Variants in MYO1H observed in about 807,000 individuals in gnomAD.
MYO1H encodes the protein unconventional myosin-Ih.
Under a neutral mutation model 149.3 loss-of-function variants are expected in MYO1H, and 118 were observed. The observed-to-expected ratio is 0.79, with a 90% CI of 0.68 to 0.92. The LOEUF is 0.92. Ranked by LOEUF, MYO1H falls within the 40% of genes least tolerant of loss-of-function variation. The pLI is 0.00. For synonymous variants in MYO1H, 447 were observed against 465.2 expected (o/e 0.96, Z 0.50); for missense variants, 1,212 against 1,280.7 (o/e 0.95, Z 0.82).
intron 1 of MYO1H, among the ~76,000 whole-genome samples, chr12:109,386,878 G>A (rs910086055): frequency 6.6e-6 from 1 of 151,738 alleles, no homozygotes; most frequent in African/African-American, 2.4e-5. Context: ...TTTCTTCCTG[G>A]CTCTCATCTA....
At chr12:109,319,598 T>G in the MYO1H span, among the ~76,000 whole-genome samples, 1 of 152,186 alleles carries the variant, frequency 6.6e-6, no homozygotes, top group Non-Finnish European at 1.5e-5. Flanking sequence ...TTTACCACAG[T>G]TAAATCAAGG....
chr12:109,440,037 CTT>C (rs36004400), intron 24 of MYO1H, among the ~76,000 whole-genome samples: 14 of 143,092 alleles, frequency 9.8e-5, no homozygotes, highest in East Asian at 6.1e-4. Flanking sequence ...AAACAGAGCA[CTT>C]TTTTTTTTTT....
chr12:109,419,680 T>G (rs919796507), intron 15 of MYO1H, among the ~76,000 whole-genome samples: 2 of 152,100 alleles, frequency 1.3e-5, no homozygotes, highest in Admixed American at 6.6e-5. Flanking sequence ...CCCAAGTAGC[T>G]GGGACTACAG....
Position 109,415,579 on chromosome 12 carries a change from G to A in MYO1H, c.1556G>A (p.Arg519Gln), listed in dbSNP as rs765980840. ...AAGAGGATTGGCTGGATGGAGTTCC[G>A]ACTCCTCCACTATGCAGGAGAGGTC... The change falls in exon 15 of 32, where the codon CGA (arginine) becomes CAA (glutamine). Residue 519 changes from arginine to glutamine, a missense_variant. Arg to Gln is a conservative substitution (Grantham distance 43). Coordinates refer to ENST00000310903, the Ensembl canonical transcript of MYO1H. 30 of 1,606,482 alleles carry A rather than the reference G, an allele frequency of 1.9e-5. No individual in the cohort carries two copies. Among genetic ancestry groups the A allele is most frequent in the African/African-American group, 8.0e-5 (6 of 74,806 alleles).
chr12:109,342,733 G>A, the MYO1H span, among the ~76,000 whole-genome samples: 1 of 151,264 alleles, frequency 6.6e-6, no homozygotes, highest in African/African-American at 2.4e-5. Context: ...TGTAGAGACA[G>A]GGCCTCTCTG....
exon 21 of MYO1H, chr12:109,435,078 C>T (rs1311532107): frequency 6.2e-7 from 1 of 1,609,034 alleles, no homozygotes; most frequent in Non-Finnish European, 8.5e-7. Flanking sequence ...CTGTTTGCTA[C>T]CGAAGATGCC....
Position 109,443,719 on chromosome 12 carries a change from C to CCCAAA in MYO1H, c.2824+70_2824+71insCCAAA. On this transcript the variant is annotated intron_variant, in intron 28 of 31. Coordinates refer to ENST00000310903, the Ensembl canonical transcript of MYO1H. ...ACTACTGGAAAGCCCAGTAATGAAG[C>CCCAAA]TCCCAAATGGGAAACACAAGTGTAG... The CCCAAA allele has an allele frequency of 5.1e-6, 8 of 1,567,424 alleles. No individual in the cohort carries two copies. In the Middle Eastern group the frequency reaches 8.4e-4, roughly 165 times the overall value.
chr12:109,438,659 A>C, intron 23 of MYO1H, 39 bp downstream of exon 23: 1 of 1,462,616 alleles, frequency 6.8e-7, no homozygotes, highest in Non-Finnish European at 9.5e-7. Context: ...AGGTCACTAA[A>C]TGCTGGTACC....
chr12:109,312,381 TTTTTGTTTTG>T, the MYO1H span, among the ~76,000 whole-genome samples: 10,933 of 150,924 alleles, frequency 0.072, 467 homozygotes, highest in Non-Finnish European at 0.092. Flanking sequence ...CCCAGCTAAT[TTTTTGTTTTG>T]TTTTGTTTTG....
At chr12:109,349,497 C>CCCCCAA (rs150233595) in intron 1 of MYO1H, among the ~76,000 whole-genome samples, 16 of 144,512 alleles carry the variant, frequency 1.1e-4, no homozygotes, top group African/African-American at 4.0e-4. Context: ...ACCCCCCCAC[C>CCCCCAA]AAAAAAATTA....
chr12:109,432,961 C>T (rs772234836), exon 20 of MYO1H: 50 of 1,613,876 alleles, frequency 3.1e-5, no homozygotes, highest in East Asian at 4.5e-5. Context: ...GGGCGTGGAA[C>T]GGCTGATCAA....
chr12:109,422,767 A>C (rs183180975), intron 16 of MYO1H, among the ~76,000 whole-genome samples: 126 of 152,236 alleles, frequency 8.3e-4, no homozygotes, highest in Non-Finnish European at 8.2e-4. Context: ...ACAACAACAA[A>C]AAAATTCAAT....
At chr12:109,444,330 T>C in intron 29 of MYO1H, 47 bp downstream of exon 29, 1 of 1,585,456 alleles carries the variant, frequency 6.3e-7, no homozygotes, top group Non-Finnish European at 8.7e-7. Flanking sequence ...AACAATACAC[T>C]GCCAAAATGT....
intron 4 of MYO1H, 24 bp downstream of exon 4, chr12:109,396,606 C>T (rs762237421): frequency 3.0e-5 from 48 of 1,587,094 alleles, no homozygotes; most frequent in South Asian, 2.3e-5. Context: ...GGGGACCAAT[C>T]GAAGGGAGTT....
intron 1 of MYO1H, among the ~76,000 whole-genome samples, chr12:109,366,403 G>A (rs1388643856): frequency 3.3e-5 from 5 of 152,186 alleles, no homozygotes; most frequent in South Asian, 2.1e-4. Context: ...TATTCAAGGT[G>A]GGGGCAGGCT....
At chr12:109,310,507 C>T in the MYO1H span, among the ~76,000 whole-genome samples, 7,018 of 152,304 alleles carry the variant, frequency 0.046, 234 homozygotes, top group Non-Finnish European at 0.072. Context: ...CCGCCCCCAC[C>T]GAGTGAGGCT....
intron 19 of MYO1H, among the ~76,000 whole-genome samples, chr12:109,428,932 G>A (rs1489429239): frequency 6.6e-6 from 1 of 152,108 alleles, no homozygotes; most frequent in Non-Finnish European, 1.5e-5. Flanking sequence ...GAGCAGGCCG[G>A]GCATGTTGCC....
exon 12 of MYO1H, chr12:109,410,002 C>G: frequency 6.5e-7 from 1 of 1,544,424 alleles, no homozygotes; most frequent in South Asian, 1.2e-5. Flanking sequence ...ATGAGAAACT[C>G]CAGCAACTGT....
At chr12:109,415,539 G>A (rs1367465377) in exon 15 of MYO1H, 1 of 1,605,830 alleles carries the variant, frequency 6.2e-7, no homozygotes, top group Middle Eastern at 1.7e-4. Context: ...TAAGCTGGCT[G>A]GTCCAAAGGG....
Sources: allele counts gnomAD v4.1 joint callset (sites outside exome capture counted in the v4.1 genomes callset), GRCh38; gene constraint gnomAD v4.1.1; transcripts MANE v1.5; gene names NCBI Gene and HGNC (gene_info 2026-07-23, HGNC 2026-07-21).